Variants in C2CD5 observed in about 807,000 individuals in gnomAD.
C2CD5 encodes the protein C2 calcium dependent domain containing 5, also known as C2 domain-containing protein 5.
Under a neutral mutation model 130.3 loss-of-function variants are expected in C2CD5, and 109 were observed. The observed-to-expected ratio is 0.84, with a 90% CI of 0.72 to 0.98. The LOEUF (loss-of-function observed/expected upper bound fraction) is 0.98. Among genes scored for constraint, C2CD5 ranks in the 50% least tolerant of loss-of-function variants. The pLI is 0.00. For missense variants in C2CD5, 996 were observed against 1,261.8 expected (o/e 0.79, Z 3.19); for synonymous variants, 454 against 429.2 (o/e 1.06, Z -0.71).
At chr12:22,469,839 A>G (rs775125870) in intron 21 of C2CD5, 44 bp from the exon 22 acceptor site, 1 of 1,192,572 alleles carries the variant, frequency 8.4e-7, no homozygotes, top group Non-Finnish European at 1.2e-6. Flanking sequence ...ATGATCTATT[A>G]TTAATTTTTT....
At chr12:22,499,920 G>T (rs1274971837) in intron 10 of C2CD5, among the ~76,000 whole-genome samples, 1 of 152,192 alleles carries the variant, frequency 6.6e-6, no homozygotes, top group East Asian at 1.9e-4. Context: ...GGGTGCAGTG[G>T]CTCACGCCCG....
intron 14 of C2CD5, among the ~76,000 whole-genome samples, chr12:22,481,287 G>A (rs1389540980): frequency 1.3e-5 from 2 of 152,084 alleles, no homozygotes; most frequent in East Asian, 1.9e-4. Flanking sequence ...ACCTACAAAT[G>A]TATAGAGACA....
chr12:22,449,590 T>C lies in C2CD5; in HGVS notation c.*170A>G. The stretch of plus-strand genomic sequence containing the variant: ...GCCTGTCTAGAACAGGCAAACAAAA[T>C]GTCAAGATTAGAAAATTCTCATGCC... On this transcript the variant is annotated 3_prime_UTR_variant, in exon 27 of 27. Transcript: ENST00000446597. 1.8e-6 allele frequency: 1 copy of C among 568,282 alleles called. No homozygotes were observed. Among genetic ancestry groups the C allele is most frequent in the Non-Finnish European group, 3.0e-6 (1 of 329,148 alleles). The allele number at this position is 568,282 out of a possible 1,614,324, so 35.2% of individuals were successfully genotyped here. A position where few individuals can be genotyped will look rare whatever the true frequency, so the allele number is the denominator to read the frequency against.
intron 15 of C2CD5, 44 bp from the exon 16 acceptor site, chr12:22,474,935 TC>T: frequency 7.3e-7 from 1 of 1,378,210 alleles, no homozygotes. Flanking sequence ...GATTGTCTTT[TC>T]CAGTTTAAAT....
At chr12:22,517,791 A>C (rs1334832791) in intron 8 of C2CD5, among the ~76,000 whole-genome samples, 195 bp downstream of exon 8, 1 of 152,230 alleles carries the variant, frequency 6.6e-6, no homozygotes, top group Non-Finnish European at 1.5e-5. Flanking sequence ...AAATCAATGA[A>C]ATGTAAACAA....
intron 11 of C2CD5, among the ~76,000 whole-genome samples, chr12:22,492,953 T>C (rs1289968934): frequency 1.3e-5 from 2 of 152,194 alleles, no homozygotes; most frequent in Non-Finnish European, 2.9e-5. Context: ...TATATTCTCA[T>C]TTAATCACTG....
intron 23 of C2CD5, 62 bp downstream of exon 23, chr12:22,459,430 A>C: frequency 9.6e-7 from 1 of 1,046,402 alleles, no homozygotes. Context: ...CTATAATTTT[A>C]TGCACCACCA....
Position 22,452,526 on chromosome 12 carries a change from A to G in C2CD5, c.3024+1370T>C, listed in dbSNP as rs1458631751. Among the ~76,000 whole-genome samples, 4 of 152,238 alleles carry G rather than the reference A, an allele frequency of 2.6e-5. No homozygotes were observed. In the East Asian group the frequency reaches 7.7e-4, roughly 29 times the overall value. On this transcript the variant is annotated intron_variant, in intron 26 of 26. Transcript: ENST00000446597. ...CTGAGCTTTTAGATATGCCCCAATT[A>G]TCTACCAAAAACCCTCCTAGGATGT...
chr12:22,532,012 A>G (rs914057994), intron 3 of C2CD5, among the ~76,000 whole-genome samples: 1 of 152,200 alleles, frequency 6.6e-6, no homozygotes, highest in Non-Finnish European at 1.5e-5. Flanking sequence ...CCAAACGCTG[A>G]ATGTCTATCC....
At chr12:22,463,724 A>G (rs1162937743) in intron 22 of C2CD5, 7 of 152,222 alleles carry the variant, frequency 4.6e-5, no homozygotes, top group Non-Finnish European at 1.0e-4. Context: ...TATTCACTTT[A>G]TATCATTAGA....
Position 22,482,659 on chromosome 12 carries a change from CA to C in C2CD5, c.1634del (p.Val545GlyfsTer5), listed in dbSNP as rs1447946532. The C allele has an allele frequency of 6.2e-7, 1 of 1,611,844 alleles. No homozygotes were observed. The highest frequency in any genetic ancestry group is 8.5e-7 in the Non-Finnish European group (1 of 1,178,038). ...TTAGTTTATTCATTAGCTGAGTATG[CA>C]CTTCATATTCCATAAATGGCAAGAG... Reference protein sequence around the residue: ...SNLLPFMEYEVHTQLMNKLKL... With the variant: ...SNLLPFMEYEXHTQLMNKLKL... On this transcript the variant is annotated frameshift_variant, in exon 14 of 27. Transcript: ENST00000446597. LOFTEE classifies it high-confidence loss of function.
chr12:22,535,676 A>G (rs1240344766), intron 2 of C2CD5, among the ~76,000 whole-genome samples: 1 of 152,242 alleles, frequency 6.6e-6, no homozygotes, highest in Non-Finnish European at 1.5e-5. Context: ...GGTAAGTCAC[A>G]GAAATGGAAA....
At chr12:22,542,586 C>G (rs913376179) in intron 2 of C2CD5, among the ~76,000 whole-genome samples, 1 of 152,190 alleles carries the variant, frequency 6.6e-6, no homozygotes, top group African/African-American at 2.4e-5. Flanking sequence ...GGGTGTCCTT[C>G]AAGGCCCACT....
chr12:22,508,860 TATACTTA>T (rs1948866120), intron 9 of C2CD5, among the ~76,000 whole-genome samples: 1 of 151,382 alleles, frequency 6.6e-6, no homozygotes, highest in Non-Finnish European at 1.5e-5. Context: ...ATGTAATCTT[TATACTTA>T]AATCTTTTTT....
In C2CD5 at chr12:22,544,177, C is replaced by T; in HGVS notation, c.-27G>A. 6.2e-7 allele frequency: 1 copy of T among 1,608,888 alleles called. No homozygotes were observed. Among genetic ancestry groups the T allele is most frequent in the Non-Finnish European group, 8.5e-7 (1 of 1,175,386 alleles). ...GTCTCGGTTTCGGCCTCTTCTTGGG[C>T]TCCTGCAGAAACAAACAAACGAGTC... is the stretch of plus-strand genomic sequence containing the variant. On this transcript the variant is annotated splice_region_variant and 5_prime_UTR_variant, in exon 2 of 27. Coordinates refer to ENST00000446597, the MANE Select transcript of C2CD5 (RefSeq NM_001286176.2).
chr12:22,523,378 TAAAAG>T (rs1248382232), intron 7 of C2CD5, 43 bp downstream of exon 7: 6 of 1,454,338 alleles, frequency 4.1e-6, no homozygotes, highest in Non-Finnish European at 5.8e-6. Context: ...AAAGCATAGA[TAAAAG>T]ATAAAAATCT....
chr12:22,479,199 G>A, intron 14 of C2CD5, among the ~76,000 whole-genome samples: 1 of 151,600 alleles, frequency 6.6e-6, no homozygotes, highest in African/African-American at 2.4e-5. Context: ...TCAGCCTCCT[G>A]AGTAGCTAGG....
intron 2 of C2CD5, among the ~76,000 whole-genome samples, chr12:22,543,325 T>C (rs1343376052): frequency 6.6e-6 from 1 of 152,242 alleles, no homozygotes; most frequent in Non-Finnish European, 1.5e-5. Context: ...ATCATTAGAC[T>C]TAAAAAGCAA....
At chr12:22,541,648 A>G (rs924433774) in intron 2 of C2CD5, among the ~76,000 whole-genome samples, 11 of 152,190 alleles carry the variant, frequency 7.2e-5, no homozygotes, top group South Asian at 2.1e-4. Context: ...CTCCCTCAGC[A>G]GCAGGCTCCT....
Sources: allele counts gnomAD v4.1 joint callset (sites outside exome capture counted in the v4.1 genomes callset), GRCh38; gene constraint gnomAD v4.1.1; transcripts MANE v1.5; gene names NCBI Gene and HGNC (gene_info 2026-07-23, HGNC 2026-07-21).